Variants in UNC119 observed in about 807,000 individuals in gnomAD.
UNC119 encodes the protein unc-119 lipid binding chaperone, also known as protein unc-119 homolog A.
Under a neutral mutation model 22.6 loss-of-function variants are expected in UNC119, and 15 were observed. The ratio of observed to expected loss-of-function variants is 0.66; its 90% CI spans 0.44 to 1.02. The LOEUF (loss-of-function observed/expected upper bound fraction) is 1.02, where lower values mean the gene tolerates loss of function less well. UNC119 is among the 50% of genes least tolerant of loss of function. The pLI, the probability that UNC119 is intolerant of heterozygous loss-of-function variation, is 0.00. For synonymous variants in UNC119, 138 were observed against 139.4 expected, an observed-to-expected ratio of 0.99 and a Z score of 0.07; for missense variants, 322 against 336.0, an observed-to-expected ratio of 0.96 and a Z score of 0.33.
intron 1 of UNC119, 127 bp from the exon 2 acceptor site, chr17:28,548,832 AC>A: frequency 7.0e-6 from 5 of 715,990 alleles, no homozygotes; most frequent in South Asian, 1.7e-5. Context: ...GGAAAGAGGG[AC>A]CTCAGTCCCT....
chr17:28,552,215 G>C, intron 1 of UNC119, 123 bp downstream of exon 1: 1 of 904,354 alleles, frequency 1.1e-6, no homozygotes, highest in South Asian at 1.6e-5. Flanking sequence ...ACACAGGAGA[G>C]GGGACTCGGT....
At chr17:28,548,219 G>T in intron 2 of UNC119, 118 bp from the exon 3 acceptor site, 1 of 1,032,286 alleles carries the variant, frequency 9.7e-7, no homozygotes, top group Non-Finnish European at 1.4e-6. Context: ...GAAATTCCGG[G>T]GCACACTGAG....
intron 2 of UNC119, 199 bp from the exon 3 acceptor site, chr17:28,548,300 T>C (rs1567610939): frequency 1.6e-6 from 1 of 628,034 alleles, no homozygotes; most frequent in East Asian, 2.8e-5. Context: ...GCCACTGTGC[T>C]TCCCCGGGCC....
intron 1 of UNC119, chr17:28,551,990 T>C (rs1202498048): frequency 1.2e-5 from 6 of 492,564 alleles, no homozygotes; most frequent in African/African-American, 5.9e-5. Context: ...TCTTCATTAG[T>C]GCAGGGACGG....
chr17:28,547,607 C>T (rs776091902), intron 4 of UNC119, 70 bp downstream of exon 4: 185 of 1,613,172 alleles, frequency 1.1e-4, no homozygotes, highest in Non-Finnish European at 1.5e-4. Flanking sequence ...CCCACAAGTC[C>T]CTCTCCCTCC....
At position 28,547,114 on chromosome 17, in the gene UNC119, G is replaced by A; in HGVS notation, c.*183C>T. ...CCTACGACCCCACCCCATGTAGCAG[G>A]CCGCATGGGCTTCATGGGCTTGACT... On this transcript the variant is annotated 3_prime_UTR_variant, in exon 5 of 5. Coordinates refer to ENST00000335765, the MANE Select transcript of UNC119 (RefSeq NM_005148.4). 1 of 713,114 alleles carries A rather than the reference G, an allele frequency of 1.4e-6. No homozygotes were observed. Among genetic ancestry groups the A allele is most frequent in the South Asian group, 1.6e-5 (1 of 62,020 alleles). 44.2% of individuals were successfully genotyped at this position (713,114 alleles called of 1,614,324 possible).
rs754424124 is a variant in UNC119, at chr17:28,548,689, A to G, written c.237T>C (p.Pro79=). The stretch of plus-strand genomic sequence containing the variant: ...AGTCGATCTTGTAGATATTCTCCTC[A>G]GGGGAGCAGAGGTAGTCTAGGGGAA... ...QRITGDYLCS[P]EENIYKIDFV... Residue 79 remains proline (P), a synonymous_variant, in exon 2 of 5, where the codon CCT becomes CCC. Transcript: ENST00000335765. 13 of 1,613,870 alleles carry G rather than the reference A, an allele frequency of 8.1e-6. No individual in the cohort carries two copies. Among genetic ancestry groups the G allele is most frequent in the Non-Finnish European group, 1.0e-5 (12 of 1,179,908 alleles).
rs1467987011 is a variant in UNC119 at position 28,547,856 on chromosome 17, A to G, written c.438-7T>C. 6.2e-7 allele frequency: 1 copy of G among 1,613,934 alleles called. No homozygotes were observed. Among genetic ancestry groups the G allele is most frequent in the Non-Finnish European group, 8.5e-7 (1 of 1,179,968 alleles). On this transcript the variant is annotated splice_polypyrimidine_tract_variant and splice_region_variant and intron_variant, in intron 3 of 4. Coordinates refer to ENST00000335765, the MANE Select transcript of UNC119 (RefSeq NM_005148.4). ...TCCCACTGTGAACTCCACCCTGAGC[A>G]AGAAAAGGAGGCAGGGCTAAGTCTG... is the stretch of plus-strand genomic sequence containing the variant.
Position 28,552,499 on chromosome 17 carries a change from G to A in UNC119, c.59C>T (p.Pro20Leu). 6.4e-7 allele frequency: 1 copy of A among 1,568,532 alleles called. No homozygotes were observed. Among genetic ancestry groups the A allele is most frequent in the Non-Finnish European group, 8.6e-7 (1 of 1,167,284 alleles). ...TATGGGGGCCACGCTCTGGCCCGAG[G>A]GCCCCGGAGCGGACTCCGTCGCCGT... Reference protein sequence around the residue: ...AGTATESAPGPSGQSVAPIPQ... With the variant: ...AGTATESAPGLSGQSVAPIPQ... The change falls in exon 1 of 5, where the codon CCC becomes CTC. Residue 20 changes from proline (P) to leucine (L), a missense_variant. Transcript: ENST00000335765.
Position 28,548,112 on chromosome 17 carries a change from C to T in UNC119, c.335-11G>A, listed in dbSNP as rs779641344. The T allele has an allele frequency of 1.2e-6, 2 of 1,607,750 alleles. No homozygotes were observed. The highest frequency in any genetic ancestry group is 1.1e-5 in the South Asian group (1 of 90,250). ...TGATGGGCAACCGTTCTGCAATGTA[C>T]CCCAGCTGGGGCTCAGTGGGCTTCA... is the stretch of plus-strand genomic sequence containing the variant. On this transcript the variant is annotated splice_polypyrimidine_tract_variant and intron_variant, in intron 2 of 4. Transcript: ENST00000335765.
intron 2 of UNC119, 127 bp from the exon 3 acceptor site, chr17:28,548,228 A>G: frequency 1.0e-6 from 1 of 977,690 alleles, no homozygotes. Context: ...GGGCACACTG[A>G]GGGCTCAGAC....
intron 1 of UNC119, 169 bp from the exon 2 acceptor site, chr17:28,548,874 G>C (rs1378203466): frequency 3.4e-6 from 2 of 595,100 alleles, no homozygotes; most frequent in Non-Finnish European, 6.0e-6. Flanking sequence ...GTGTGGAAGA[G>C]ACATAACTCC....
At chr17:28,549,127 T>A (rs946068846) in intron 1 of UNC119, 2 of 183,686 alleles carry the variant, frequency 1.1e-5, no homozygotes, top group Admixed American at 5.5e-5. Context: ...TCCTGCAGTC[T>A]GACCTGTCTC....
rs139354163 is a variant in UNC119, at chr17:28,547,357, G to A, written c.663C>T (p.Phe221=). The change falls in exon 5 of 5, where the codon TTC becomes TTT. Residue 221 remains phenylalanine, a synonymous_variant. Transcript: ENST00000335765. Reference sequence around the variant, plus strand: ...TGTGCATCACCAGCCGGTCATCCACGAAGTAGAAGCTGTCAGACTGGGTCT... The same window carrying A: ...TGTGCATCACCAGCCGGTCATCCACAAAGTAGAAGCTGTCAGACTGGGTCT... The part of the protein sequence containing the change: ...PYETQSDSFY[F]VDDRLVMHNK... 593 of 1,614,204 alleles carry A rather than the reference G, an allele frequency of 3.7e-4. 3 individuals carry two copies. In the East Asian group the frequency reaches 0.012, roughly 32 times the overall value.
At position 28,547,337 on chromosome 17, in the gene UNC119, A is replaced by G. The variant is rs2070217327; in HGVS notation, c.683T>C (p.Met228Thr). Residue 228 changes from methionine to threonine, a missense_variant, in exon 5 of 5, where the codon ATG becomes ACG. Coordinates refer to ENST00000335765, the MANE Select transcript of UNC119 (RefSeq NM_005148.4). ...GTAGGAATAGTCTGCTTTATTGTGC[A>G]TCACCAGCCGGTCATCCACGAAGTA... ...SFYFVDDRLV[M>T]HNKADYSYSG... The G allele has an allele frequency of 6.2e-7, 1 of 1,614,182 alleles. No homozygotes were observed. The highest frequency in any genetic ancestry group is 8.5e-7 in the Non-Finnish European group (1 of 1,180,014).
chr17:28,551,424 G>T (rs976296051), intron 1 of UNC119: 1 of 152,302 alleles, frequency 6.6e-6, no homozygotes, highest in African/African-American at 2.4e-5. Flanking sequence ...TTGACTCCAG[G>T]CAGCAGCTAT....
In UNC119 at chr17:28,547,807, G is replaced by A. The variant is rs770132496; in HGVS notation, c.480C>T (p.Arg160=). ...TVGDKPVNNF[R]MIERHYFRNQ... ...TGCGGAAGTAGTGCCTCTCGATCAT[G>A]CGGAAGTTGTTGACAGGCTTGTCTC... Residue 160 remains arginine, a synonymous_variant, in exon 4 of 5, where the codon CGC becomes CGT. Transcript: ENST00000335765. 4.3e-6 allele frequency: 7 copies of A among 1,614,100 alleles called. No individual in the cohort carries two copies. Among genetic ancestry groups the A allele is most frequent in the Middle Eastern group, 1.6e-4 (1 of 6,084 alleles).
Position 28,547,686 on chromosome 17 carries a change from C to A in UNC119, c.601G>T (p.Glu201Ter), listed in dbSNP as rs764936506. Residue 201 changes from glutamate (E) to a stop codon, truncating the protein, a stop_gained, in exon 4 of 5, where the codon GAG becomes TAG. Transcript: ENST00000335765. LOFTEE classifies it high-confidence loss of function. ...EHIYDFPPLS[E>*]ELISEMIRHP... ...GACCCTGCCCGCGCACTCAGCTCCT[C>A]GGAGAGAGGGGGGAAGTCGTAAATG... 4.3e-6 allele frequency: 7 copies of A among 1,614,022 alleles called. No individual in the cohort carries two copies. The Admixed American group carries it at 1.2e-4, about 27-fold the overall frequency.
rs767981770 is a variant in UNC119 at position 28,547,309 on chromosome 17, G to C, written c.711C>G (p.Ser237Arg). 1.2e-6 allele frequency: 2 copies of C among 1,613,992 alleles called. No homozygotes were observed. Among genetic ancestry groups the C allele is most frequent in the Non-Finnish European group, 1.7e-6 (2 of 1,180,008 alleles). Residue 237 changes from serine to arginine, a missense_variant, in exon 5 of 5, where the codon AGC becomes AGG. Physicochemically the swap from Ser to Arg is moderately radical, Grantham distance 110. Transcript: ENST00000335765. Reference protein sequence around the residue: ...VMHNKADYSYSGTP With the variant: ...VMHNKADYSYRGTP ...GGCAGCCGTGGGGTCAGGGTGTCCC[G>C]CTGTAGGAATAGTCTGCTTTATTGT...
Sources: gnomAD v4.1 joint callset for allele counts on GRCh38, gnomAD v4.1.1 for gene constraint, MANE v1.5 for transcripts, NCBI Gene and HGNC (gene_info 2026-07-23, HGNC 2026-07-21) for gene names.